Variants in DLGAP1 observed in about 807,000 individuals in gnomAD.
DLGAP1 encodes DLG associated protein 1.
In DLGAP1, 11 loss-of-function variants were observed where a neutral mutation model predicts 90.8. That is an observed-to-expected ratio of 0.12 (90% CI 0.08 to 0.20). DLGAP1 has a LOEUF of 0.20. Among genes scored for constraint, DLGAP1 ranks in the 10% least tolerant of loss-of-function variants. The pLI is 1.00. For synonymous variants in DLGAP1, 558 were observed against 540.7 expected, an observed-to-expected ratio of 1.03 and a Z score of -0.44; for missense variants, 1,050 against 1,333.8, an observed-to-expected ratio of 0.79 and a Z score of 3.31.
At position 3,497,210 on chromosome 18, in the gene DLGAP1, TGA is replaced by T. The variant is rs1160668840; in HGVS notation, c.*1973_*1974del. On this transcript the variant is annotated 3_prime_UTR_variant, in exon 13 of 13. Coordinates refer to ENST00000315677, the MANE Select transcript of DLGAP1 (RefSeq NM_004746.4). Reference sequence around the variant, plus strand: ...GGCCCTACTCGATGCAAGCTTTGTGTGACTTTTAATTGCTGCTACAAGGTAAA... The same window carrying T: ...GGCCCTACTCGATGCAAGCTTTGTGTCTTTTAATTGCTGCTACAAGGTAAA... The T allele has an allele frequency of 6.6e-6, 1 of 152,226 alleles. No homozygotes were observed. The highest frequency in any genetic ancestry group is 2.4e-5 in the African/African-American group (1 of 41,454). The allele number at this position is 152,226 out of a possible 1,614,324, so 9.4% of individuals were successfully genotyped here.
At chr18:4,395,870 G>A (rs1396029532) in intron 1 of DLGAP1, among the ~76,000 whole-genome samples, 1 of 152,092 alleles carries the variant, frequency 6.6e-6, no homozygotes, top group East Asian at 1.9e-4. Flanking sequence ...CAGTTAACAT[G>A]TTCCTAAACC....
At chr18:4,202,818 G>T (rs1175822749) in intron 1 of DLGAP1, among the ~76,000 whole-genome samples, 3 of 152,108 alleles carry the variant, frequency 2.0e-5, no homozygotes, top group Non-Finnish European at 4.4e-5. Context: ...TACCACTTCT[G>T]ACTAGAAAGT....
intron 9 of DLGAP1, among the ~76,000 whole-genome samples, chr18:3,536,022 C>T (rs1174122536): frequency 6.6e-6 from 1 of 151,626 alleles, no homozygotes; most frequent in Non-Finnish European, 1.5e-5. Context: ...GCAACTCTGT[C>T]TCAAAAAAAG....
intron 1 of DLGAP1, among the ~76,000 whole-genome samples, chr18:4,287,729 T>C (rs139592485): frequency 0.025 from 3,831 of 152,108 alleles, 161 homozygotes; most frequent in African/African-American, 0.087. Flanking sequence ...AAATACCTAA[T>C]GCATGTGGGG....
At position 4,229,694 on chromosome 18, in the gene DLGAP1, C is replaced by A. The variant is rs574387853; in HGVS notation, c.-266-78407G>T. 7.9e-5 allele frequency among the ~76,000 whole-genome samples: 12 copies of A among 152,058 alleles called. No individual in the cohort carries two copies. In the South Asian group the frequency reaches 2.5e-3, roughly 32 times the overall value. The stretch of plus-strand genomic sequence containing the variant: ...AGCAAAATGGACTAAATACTTAAAT[C>A]TAAGTCATCATATTATGAAACTACT... On this transcript the variant is annotated intron_variant, in intron 1 of 12. Transcript: ENST00000315677.
chr18:3,874,806 G>A, intron 4 of DLGAP1: 3 of 1,359,020 alleles, frequency 2.2e-6, no homozygotes, highest in Non-Finnish European at 2.8e-6. Context: ...AACAATATTG[G>A]AAAAAAAAGG....
At chr18:3,658,180 C>T (rs949798838) in intron 7 of DLGAP1, among the ~76,000 whole-genome samples, 4 of 152,126 alleles carry the variant, frequency 2.6e-5, no homozygotes, top group African/African-American at 9.7e-5. Context: ...AGTATTTCCA[C>T]CATACGGGTA....
chr18:3,608,752 C>G (rs1232426315), intron 7 of DLGAP1, among the ~76,000 whole-genome samples: 1 of 152,238 alleles, frequency 6.6e-6, no homozygotes, highest in African/African-American at 2.4e-5. Flanking sequence ...AAGGAACAGA[C>G]AGCTCTTGCC....
intron 3 of DLGAP1, among the ~76,000 whole-genome samples, chr18:3,908,597 A>G (rs1050658858): frequency 6.6e-6 from 1 of 152,148 alleles, no homozygotes; most frequent in Admixed American, 6.5e-5. Flanking sequence ...TGTGTTTTTA[A>G]TAGATACACT....
intron 8 of DLGAP1, chr18:3,580,176 C>G (rs1216264521): frequency 7.1e-7 from 1 of 1,415,808 alleles, no homozygotes; most frequent in African/African-American, 1.4e-5. Context: ...TTCAGAAACC[C>G]TGATTTGAGC....
chr18:3,800,449 A>G (rs768144183), intron 5 of DLGAP1, among the ~76,000 whole-genome samples: 3 of 152,262 alleles, frequency 2.0e-5, no homozygotes, highest in Non-Finnish European at 2.9e-5. Flanking sequence ...ATACTTTGCC[A>G]TTGTTAAAAA....
intron 5 of DLGAP1, among the ~76,000 whole-genome samples, chr18:3,769,848 T>TG (rs34813920): frequency 0.15 from 22,726 of 150,502 alleles, 1,977 homozygotes; most frequent in Non-Finnish European, 0.2. Flanking sequence ...CCACGGTGGG[T>TG]GGGGGGGGAA....
At position 3,749,135 on chromosome 18, in the gene DLGAP1, CCTTCTT is replaced by C. The variant is rs1302676773; in HGVS notation, c.1173-6629_1173-6624del. On this transcript the variant is annotated intron_variant, in intron 5 of 12. Coordinates refer to ENST00000315677, the MANE Select transcript of DLGAP1 (RefSeq NM_004746.4). ...TCCTCCTCCTCCTCTTCCTCCTCCT[CCTTCTT>C]CTTCTTCTTTTTTTTTTTTTTTTTT... Among the ~76,000 whole-genome samples the C allele has an allele frequency of 4.7e-5, 7 of 148,916 alleles. 1 individual carries two copies. The highest frequency in any genetic ancestry group is 1.0e-4 in the African/African-American group (4 of 39,848).
chr18:3,720,957 A>C (rs759119832), intron 7 of DLGAP1, among the ~76,000 whole-genome samples: 7 of 146,288 alleles, frequency 4.8e-5, no homozygotes, highest in Non-Finnish European at 6.0e-5. Context: ...CTGAGTTGAG[A>C]GGATTACTGG....
At chr18:4,158,597 C>G (rs904353641) in intron 1 of DLGAP1, among the ~76,000 whole-genome samples, 37 of 152,210 alleles carry the variant, frequency 2.4e-4, no homozygotes, top group Non-Finnish European at 5.9e-5. Flanking sequence ...AATTAATCTG[C>G]TCTCTGTTCT....
intron 7 of DLGAP1, among the ~76,000 whole-genome samples, chr18:3,718,729 C>A (rs934282936): frequency 1.3e-5 from 2 of 151,976 alleles, no homozygotes; most frequent in East Asian, 3.9e-4. Context: ...AGTTCGAGAC[C>A]AGCCTGGCCA....
chr18:4,295,162 C>T (rs2079946889), intron 1 of DLGAP1: 1 of 152,152 alleles, frequency 6.6e-6, no homozygotes, highest in Non-Finnish European at 1.5e-5. Context: ...CCCTCTTCTA[C>T]CCAGTATTTC....
At chr18:4,296,554 T>C (rs924253494) in intron 1 of DLGAP1, among the ~76,000 whole-genome samples, 1 of 152,232 alleles carries the variant, frequency 6.6e-6, no homozygotes, top group Non-Finnish European at 1.5e-5. Flanking sequence ...CCTTGAGTCA[T>C]TTTATAGTTT....
rs2071080263 is a variant in DLGAP1 at position 3,879,182 on chromosome 18, G to A, written c.887C>T (p.Ser296Leu). ...CACCATGGCCTGGTCCATGTTCACC[G>A]AGGCCTTCTGGTAAACCTCCCGGGC... ...SRAREVYQKASVNMDQAMVKS... is the reference protein window; with the variant it reads ...SRAREVYQKALVNMDQAMVKS... The change falls in exon 4 of 13, where the codon TCG becomes TTG. Residue 296 changes from serine to leucine, a missense_variant. By Grantham distance (145) the Ser-to-Leu change is moderately radical. Around this residue, in one of 2 missense-constraint regions of DLGAP1, gnomAD observed 485 missense variants for 454.1 expected, o/e 1.07. Transcript: ENST00000315677. This position sits in a 1 kb window ranked among gnomAD's most constrained non-coding sequence, Gnocchi z 6.6. 7 of 1,525,682 alleles carry A rather than the reference G, an allele frequency of 4.6e-6. No homozygotes were observed. The highest frequency in any genetic ancestry group is 1.4e-5 in the African/African-American group (1 of 72,016). 94.5% of individuals were successfully genotyped at this position (1,525,682 alleles called of 1,614,324 possible).
Sources: allele counts gnomAD v4.1 joint callset (sites outside exome capture counted in the v4.1 genomes callset), GRCh38; gene constraint gnomAD v4.1.1; regional missense constraint gnomAD v4.1.1; non-coding constraint Gnocchi (gnomAD v3.1); transcripts MANE v1.5; gene names NCBI Gene and HGNC (gene_info 2026-07-23, HGNC 2026-07-21).